LIMCH1: variants seen among roughly 807,000 people sequenced by gnomAD.
The protein encoded by LIMCH1 is LIM and calponin homology domains-containing protein 1.
A neutral mutation model predicts 176.5 loss-of-function variants in LIMCH1; 113 were observed. The observed-to-expected ratio is 0.64, with a 90% CI of 0.55 to 0.75. LIMCH1 has a LOEUF of 0.75. LIMCH1 is among the 30% of genes least tolerant of loss of function. LIMCH1 has a pLI of 0.00. For synonymous variants in LIMCH1, 619 were observed against 645.9 expected, an observed-to-expected ratio of 0.96 and a Z score of 0.63; for missense variants, 1,674 against 1,814.9, an observed-to-expected ratio of 0.92 and a Z score of 1.41.
chr4:41,583,267 A>G (rs4593169), intron 1 of LIMCH1, among the ~76,000 whole-genome samples: 34,130 of 152,056 alleles, frequency 0.22, 4,598 homozygotes, highest in African/African-American at 0.37. Flanking sequence ...CCCAAACCTG[A>G]GTGCTTAGGA....
intron 1 of LIMCH1, among the ~76,000 whole-genome samples, chr4:41,469,202 G>A (rs939248441): frequency 2.6e-5 from 4 of 152,178 alleles, no homozygotes; most frequent in African/African-American, 9.7e-5. Flanking sequence ...TCCCACAACA[G>A]TTGAAATAAA....
rs768507148 is a variant in LIMCH1 at position 41,685,787 on chromosome 4, A to G, written c.4045A>G (p.Lys1349Glu). 26 of 1,613,506 alleles carry G rather than the reference A, an allele frequency of 1.6e-5. No homozygotes were observed. The highest frequency in any genetic ancestry group is 2.1e-5 in the Non-Finnish European group (25 of 1,179,666). The change falls in exon 28 of 32, where the codon AAA becomes GAA. Residue 1349 changes from lysine (K) to glutamate (E), a missense_variant. This residue lies in a region of LIMCH1 where 1,015 missense variants were observed against 1,102.5 expected (regional missense o/e 0.92). Coordinates refer to ENST00000503057, the MANE Select transcript of LIMCH1 (RefSeq NM_001330672.2). Reference protein sequence around the residue: ...DVKPKTLPLDKSINHQIESPS... With the variant: ...DVKPKTLPLDESINHQIESPS... Reference sequence around the variant, plus strand: ...GAAGCCAAAAACCCTCCCGCTGGATAAAAGCATTAACCATCAGATCGAGTC... The same window carrying G: ...GAAGCCAAAAACCCTCCCGCTGGATGAAAGCATTAACCATCAGATCGAGTC...
chr4:41,607,392 C>A (rs2090872302), intron 4 of LIMCH1, among the ~76,000 whole-genome samples: 1 of 152,220 alleles, frequency 6.6e-6, no homozygotes, highest in Admixed American at 6.5e-5. Context: ...ACACAAGGTA[C>A]TTTAAGCTGA....
chr4:41,661,358 A>G, intron 18 of LIMCH1, 62 bp from the exon 19 acceptor site: 1 of 1,245,274 alleles, frequency 8.0e-7, no homozygotes, highest in Non-Finnish European at 1.2e-6. Flanking sequence ...CTGCTTAAAA[A>G]ATAATTTTTA....
intron 1 of LIMCH1, among the ~76,000 whole-genome samples, chr4:41,363,403 A>C (rs1418031059): frequency 1.3e-5 from 2 of 152,106 alleles, no homozygotes; most frequent in Non-Finnish European, 2.9e-5. Flanking sequence ...TTGGTGATTA[A>C]ATTTCCCATA....
chr4:41,651,426 A>G lies in LIMCH1; in HGVS notation c.3036+818A>G, dbSNP rs992906343. 3.9e-5 allele frequency among the ~76,000 whole-genome samples: 6 copies of G among 152,320 alleles called. No homozygotes were observed. In the South Asian group the frequency reaches 1.0e-3, roughly 26 times the overall value. ...TATTTCCAAAGGTCACTTTCTGAGT[A>G]GTAAGGGTTAGGACTTCAATAATAT... is the stretch of plus-strand genomic sequence containing the variant. On this transcript the variant is annotated intron_variant, in intron 18 of 31. Coordinates refer to ENST00000503057, the MANE Select transcript of LIMCH1 (RefSeq NM_001330672.2).
In LIMCH1 at chr4:41,687,364, A is replaced by G. The variant is rs573293441; in HGVS notation, c.4089-476A>G. Among the ~76,000 whole-genome samples the G allele has an allele frequency of 1.8e-4, 27 of 152,272 alleles. No individual in the cohort carries two copies. In the South Asian group the frequency reaches 5.6e-3, roughly 32 times the overall value. On this transcript the variant is annotated intron_variant, in intron 28 of 31. Transcript: ENST00000503057. ...CCATAATGAATTTGTTGATAAGGGAAGTCACTGAAAATAGCTCCTTTAAGT... is the reference window on the plus strand; with the variant it reads ...CCATAATGAATTTGTTGATAAGGGAGGTCACTGAAAATAGCTCCTTTAAGT...
At chr4:41,361,220 T>G (rs2051985558) in intron 1 of LIMCH1, among the ~76,000 whole-genome samples, 1 of 152,216 alleles carries the variant, frequency 6.6e-6, no homozygotes, top group Admixed American at 6.5e-5. Flanking sequence ...CCCGCTGGCC[T>G]CGCAAATCTC....
At chr4:41,578,864 G>C (rs2084931219) in intron 1 of LIMCH1, among the ~76,000 whole-genome samples, 1 of 151,752 alleles carries the variant, frequency 6.6e-6, no homozygotes, top group South Asian at 2.1e-4. Flanking sequence ...CCCACACCTG[G>C]CTAATTTTTA....
chr4:41,531,474 T>TCA (rs59275736), intron 3 of LIMCH1, among the ~76,000 whole-genome samples: 19,367 of 126,554 alleles, frequency 0.15, 1,382 homozygotes, highest in Middle Eastern at 0.19. Context: ...TCTTTCTCTG[T>TCA]CACACACACA....
intron 1 of LIMCH1, among the ~76,000 whole-genome samples, chr4:41,569,519 C>T (rs1385679960): frequency 6.6e-6 from 1 of 152,092 alleles, no homozygotes; most frequent in African/African-American, 2.4e-5. Flanking sequence ...TACTTGGAAA[C>T]GCGAAGTAAA....
intron 26 of LIMCH1, among the ~76,000 whole-genome samples, chr4:41,682,954 G>C (rs1241060728): frequency 6.6e-6 from 1 of 152,096 alleles, no homozygotes; most frequent in Non-Finnish European, 1.5e-5. Context: ...TGGGATTACA[G>C]GTGTGAGCCA....
In LIMCH1 at chr4:41,676,481, CT is replaced by C. The variant is rs762106183; in HGVS notation, c.3519+26del. The C allele has an allele frequency of 1.7e-5, 28 of 1,600,634 alleles. No individual in the cohort carries two copies. Among genetic ancestry groups the C allele is most frequent in the Non-Finnish European group, 2.3e-5 (27 of 1,168,212 alleles). On this transcript the variant is annotated intron_variant, in intron 23 of 31. Transcript: ENST00000503057. ...GCTCCAGGTAGGATGGAGTTTGCTGCTTTTTTTGTTTTTCCTTTTTTGTCCT... is the reference window on the plus strand; with the variant it reads ...GCTCCAGGTAGGATGGAGTTTGCTGCTTTTTTGTTTTTCCTTTTTTGTCCT...
At chr4:41,407,107 T>C (rs2059038994) in intron 1 of LIMCH1, among the ~76,000 whole-genome samples, 1 of 152,164 alleles carries the variant, frequency 6.6e-6, no homozygotes, top group African/African-American at 2.4e-5. Flanking sequence ...TTCATGATAA[T>C]GGATGCCCTT....
intron 1 of LIMCH1, among the ~76,000 whole-genome samples, chr4:41,540,476 C>T (rs375265124): frequency 1.4e-4 from 22 of 152,290 alleles, no homozygotes; most frequent in East Asian, 9.7e-4. Flanking sequence ...CAGTGGCTTA[C>T]GCCTGTAATC....
rs777400125 is a variant in LIMCH1 at position 41,613,526 on chromosome 4, T to A, written c.70T>A (p.Trp24Arg). 6.2e-7 allele frequency: 1 copy of A among 1,613,972 alleles called. No individual in the cohort carries two copies. Among genetic ancestry groups the A allele is most frequent in the Non-Finnish European group, 8.5e-7 (1 of 1,180,008 alleles). The change falls in exon 5 of 32, where the codon TGG (tryptophan) becomes AGG (arginine). Residue 24 changes from tryptophan (W) to arginine (R), a missense_variant. This residue lies in a region of LIMCH1 where 655 missense variants were observed against 692.2 expected (regional missense o/e 0.95). Coordinates refer to ENST00000503057, the MANE Select transcript of LIMCH1 (RefSeq NM_001330672.2). ...CCGAGACAGTGGCTACATCGACTGC[T>A]GGGATTCCGAGCGCAGCGACTCCCT... is the stretch of plus-strand genomic sequence containing the variant. ...SIRDSGYIDC[W>R]DSERSDSLSP...
At chr4:41,646,938 G>A in intron 17 of LIMCH1, 45 bp downstream of exon 17, 1 of 1,513,890 alleles carries the variant, frequency 6.6e-7, no homozygotes, top group Non-Finnish European at 9.0e-7. Context: ...GAACTCCAGG[G>A]AGTGGATGGA....
At chr4:41,658,414 T>A (rs968124977) in intron 18 of LIMCH1, among the ~76,000 whole-genome samples, 10 of 152,208 alleles carry the variant, frequency 6.6e-5, no homozygotes, top group African/African-American at 2.2e-4. Flanking sequence ...AGAAATGTCT[T>A]GAGAAATGTG....
intron 1 of LIMCH1, among the ~76,000 whole-genome samples, chr4:41,486,029 T>C (rs965402224): frequency 6.6e-6 from 1 of 152,118 alleles, no homozygotes; most frequent in African/African-American, 2.4e-5. Context: ...CTCTTAAGAT[T>C]TTGGCTAAAC....
Sources: gnomAD v4.1 joint callset for allele counts (sites outside exome capture counted in the v4.1 genomes callset) on GRCh38, gnomAD v4.1.1 for gene constraint, gnomAD v4.1.1 regional missense constraint, MANE v1.5 for transcripts, NCBI Gene and HGNC (gene_info 2026-07-23, HGNC 2026-07-21) for gene names.